The following ARHGEF4 variants were observed in gnomAD, a reference collection of about 807,000 sequenced individuals.
ARHGEF4 encodes the protein APC-stimulated guanine nucleotide exchange factor 1.
ARHGEF4 carries 119 observed loss-of-function variants against 162.0 expected under a neutral mutation model. That is an observed-to-expected ratio of 0.73 (90% CI 0.63 to 0.86). The LOEUF is 0.86. Ranked by LOEUF, ARHGEF4 falls within the 40% of genes least tolerant of loss-of-function variation. The pLI is 0.00. For missense variants in ARHGEF4, 2,488 were observed against 2,456.0 expected (o/e 1.01, Z -0.28); for synonymous variants, 1,014 against 979.9 (o/e 1.03, Z -0.65).
intron 1 of ARHGEF4, among the ~76,000 whole-genome samples, chr2:130,867,276 A>G (rs1376658719): frequency 1.3e-5 from 2 of 151,236 alleles, no homozygotes; most frequent in African/African-American, 2.4e-5. Context: ...GTCTCACTCT[A>G]TCACCAGGCT....
At chr2:130,895,278 A>G (rs1287742421) in intron 1 of ARHGEF4, among the ~76,000 whole-genome samples, 1 of 151,996 alleles carries the variant, frequency 6.6e-6, no homozygotes, top group Non-Finnish European at 1.5e-5. Context: ...CTCCTTTTCC[A>G]TGGCTGAGGG....
chr2:131,025,558 C>T (rs1239877418), intron 4 of ARHGEF4, among the ~76,000 whole-genome samples: 1 of 152,242 alleles, frequency 6.6e-6, no homozygotes, highest in East Asian at 1.9e-4. Flanking sequence ...TTCAAGTGTT[C>T]ATCCTTCCAT....
rs1167521372 is a variant in ARHGEF4, at chr2:130,988,848, TTG to T, written c.3986-39073_3986-39072del. On this transcript the variant is annotated intron_variant, in intron 4 of 13. Transcript: ENST00000409359. ...AATGAGTATTCTTCTCCACATATAT[TTG>T]TGTGTGTGTGTGTGTGTGTGTGTAT... is the stretch of plus-strand genomic sequence containing the variant. Among the ~76,000 whole-genome samples the T allele has an allele frequency of 8.9e-3, 1,210 of 136,128 alleles. 17 individuals are homozygous for T. The highest frequency in any genetic ancestry group is 0.027 in the African/African-American group (918 of 34,304). The allele number at this position is 136,128 out of a possible 152,430, so 89.3% of individuals were successfully genotyped here.
intron 9 of ARHGEF4, 54 bp downstream of exon 9, chr2:131,041,516 A>G: frequency 6.5e-7 from 1 of 1,531,976 alleles, no homozygotes; most frequent in Non-Finnish European, 8.9e-7. Flanking sequence ...GCCTCCAGTC[A>G]GCCAGTTTGA....
chr2:131,026,037 T>C (rs936890932), intron 4 of ARHGEF4, among the ~76,000 whole-genome samples: 24 of 152,168 alleles, frequency 1.6e-4, no homozygotes, highest in African/African-American at 5.8e-4. Context: ...TTGGAGACCA[T>C]TATTGTGCCT....
At chr2:130,848,362 G>A (rs1205945365) in intron 1 of ARHGEF4, among the ~76,000 whole-genome samples, 2 of 152,208 alleles carry the variant, frequency 1.3e-5, no homozygotes, top group African/African-American at 2.4e-5. Context: ...AACTAGTCTT[G>A]TTAGAGTCCA....
chr2:130,853,833 G>A (rs1681579679), intron 1 of ARHGEF4, among the ~76,000 whole-genome samples: 1 of 152,234 alleles, frequency 6.6e-6, no homozygotes, highest in Non-Finnish European at 1.5e-5. Context: ...TGTGGCTCAG[G>A]AGGTGAGCCG....
In ARHGEF4 at chr2:130,916,391, G is replaced by A; in HGVS notation, c.2445G>A (p.Pro815=). 1.3e-6 allele frequency: 2 copies of A among 1,530,380 alleles called. No individual in the cohort carries two copies. Among genetic ancestry groups the A allele is most frequent in the Admixed American group, 2.1e-5 (1 of 48,204 alleles). The allele number at this position is 1,530,380 out of a possible 1,614,324, so 94.8% of individuals were successfully genotyped here. Residue 815 remains proline, a synonymous_variant, in exon 2 of 14, where the codon CCG becomes CCA. Transcript: ENST00000409359. ...CCACTGAGAGCCCAGGAGGGGTCCC[G>A]GCCCCGACCACCGAGGGTCGCCGCT... is the stretch of plus-strand genomic sequence containing the variant. ...PLATESPGGV[P]APTTEGRRWG...
At chr2:130,859,413 A>G (rs1681923293) in intron 1 of ARHGEF4, among the ~76,000 whole-genome samples, 2 of 98,466 alleles carry the variant, frequency 2.0e-5, no homozygotes, top group South Asian at 3.6e-4. Context: ...TTCAAATCAA[A>G]TTGTGTATCT....
intron 2 of ARHGEF4, among the ~76,000 whole-genome samples, chr2:130,929,395 A>G (rs1682487942): frequency 6.6e-6 from 1 of 152,132 alleles, no homozygotes; most frequent in Non-Finnish European, 1.5e-5. Flanking sequence ...CTGTAAACAT[A>G]TGCATATGTA....
At chr2:130,885,784 C>T (rs1221831528) in intron 1 of ARHGEF4, among the ~76,000 whole-genome samples, 1 of 151,532 alleles carries the variant, frequency 6.6e-6, no homozygotes, top group East Asian at 1.9e-4. Context: ...GTTGGCCAGG[C>T]TGGTCCAGAA....
rs1248553271 is a variant in ARHGEF4 at position 130,916,755 on chromosome 2, T to C, written c.2809T>C (p.Ser937Pro). 1 of 1,550,398 alleles carries C rather than the reference T, an allele frequency of 6.4e-7. No homozygotes were observed. Among genetic ancestry groups the C allele is most frequent in the East Asian group, 2.4e-5 (1 of 40,868 alleles). The change falls in exon 2 of 14, where the codon TCT becomes CCT. Residue 937 changes from serine (S) to proline (P), a missense_variant. Transcript: ENST00000409359. ...KENTHERSPS[S>P]PKGEKEKSRL... ...GAACACCCATGAACGTTCCCCAAGT[T>C]CTCCCAAGGGCGAGAAGGAGAAGAG...
chr2:130,851,153 TG>T (rs1681381521), intron 1 of ARHGEF4, among the ~76,000 whole-genome samples: 1 of 152,262 alleles, frequency 6.6e-6, no homozygotes, highest in Non-Finnish European at 1.5e-5. Context: ...GAGAAGTGCC[TG>T]CACTTTGAGA....
intron 1 of ARHGEF4, among the ~76,000 whole-genome samples, chr2:130,844,822 A>T (rs1680839833): frequency 6.6e-6 from 1 of 151,486 alleles, no homozygotes. Flanking sequence ...ATATATATAT[A>T]TGTATATATA....
intron 1 of ARHGEF4, among the ~76,000 whole-genome samples, chr2:130,891,572 C>T (rs918666142): frequency 6.6e-6 from 1 of 152,198 alleles, no homozygotes; most frequent in Admixed American, 6.5e-5. Context: ...GCTCACAGTT[C>T]TGAAAGCTGG....
At chr2:130,992,987 G>C (rs917108298) in intron 4 of ARHGEF4, among the ~76,000 whole-genome samples, 19 of 152,206 alleles carry the variant, frequency 1.2e-4, no homozygotes, top group Non-Finnish European at 1.8e-4. Context: ...GGGAGGCTGA[G>C]GCAGGGGAAT....
intron 4 of ARHGEF4, among the ~76,000 whole-genome samples, chr2:131,026,294 G>T (rs557914295): frequency 6.6e-6 from 1 of 152,282 alleles, no homozygotes; most frequent in African/African-American, 2.4e-5. Context: ...TAACAGAGAA[G>T]AATATCATTA....
chr2:130,922,692 G>C (rs1188667620), intron 2 of ARHGEF4, among the ~76,000 whole-genome samples: 1 of 152,028 alleles, frequency 6.6e-6, no homozygotes, highest in Non-Finnish European at 1.5e-5. Context: ...AGCTGAGGGG[G>C]AGTGAGATAT....
intron 1 of ARHGEF4, 46 bp downstream of exon 1, chr2:130,837,038 G>T: frequency 1.6e-6 from 2 of 1,225,584 alleles, no homozygotes; most frequent in Non-Finnish European, 2.0e-6. Flanking sequence ...CCGGCGCCCT[G>T]CGCGGGTGGG....
Sources: gnomAD v4.1 joint callset for allele counts (sites outside exome capture counted in the v4.1 genomes callset) on GRCh38, gnomAD v4.1.1 for gene constraint, MANE v1.5 for transcripts, NCBI Gene and HGNC (gene_info 2026-07-23, HGNC 2026-07-21) for gene names.